Variants in DDX42 observed in about 807,000 individuals in gnomAD.
The protein encoded by DDX42 is ATP-dependent RNA helicase DDX42.
Under a neutral mutation model 101.5 loss-of-function variants are expected in DDX42, and 22 were observed. The ratio of observed to expected loss-of-function variants is 0.22; its 90% CI spans 0.15 to 0.31. The LOEUF (loss-of-function observed/expected upper bound fraction) is 0.31. DDX42 is among the 10% of genes least tolerant of loss of function. The probability of loss-of-function intolerance (pLI) is 1.00; values close to 1 mark genes in which losing one functional copy is unlikely to be tolerated. For synonymous variants in DDX42, 402 were observed against 401.2 expected, an observed-to-expected ratio of 1.00 and a Z score of -0.02; for missense variants, 849 against 1,199.9, an observed-to-expected ratio of 0.71 and a Z score of 4.32.
chr17:63,793,801 A>G (rs1340949798), intron 3 of DDX42, among the ~76,000 whole-genome samples: 1 of 151,460 alleles, frequency 6.6e-6, no homozygotes, highest in South Asian at 2.1e-4. Flanking sequence ...ATCATTAAGA[A>G]TGTTCATTAT....
intron 17 of DDX42, 108 bp downstream of exon 17, chr17:63,817,074 A>C (rs2039985726): frequency 3.6e-6 from 3 of 822,980 alleles, no homozygotes; most frequent in Non-Finnish European, 3.9e-6. Flanking sequence ...TTGATGCTAG[A>C]TTTAGGGTCT....
At chr17:63,794,010 A>G (rs1368150169) in intron 3 of DDX42, among the ~76,000 whole-genome samples, 1 of 152,066 alleles carries the variant, frequency 6.6e-6, no homozygotes, top group Non-Finnish European at 1.5e-5. Context: ...CTGAAGGTCT[A>G]GCTGTTTCCC....
intron 11 of DDX42, 170 bp from the exon 12 acceptor site, chr17:63,810,343 G>C: frequency 3.9e-6 from 2 of 518,462 alleles, no homozygotes; most frequent in Non-Finnish European, 6.6e-6. Flanking sequence ...CGCCTGCTTC[G>C]GCCTCCGAAA....
In DDX42 at chr17:63,819,093, GAAACCCAACA is replaced by G. The variant is rs779211298; in HGVS notation, c.*697_*706del. The G allele has an allele frequency of 6.6e-6, 1 of 152,424 alleles. No individual in the cohort carries two copies. The highest frequency in any genetic ancestry group is 1.5e-5 in the Non-Finnish European group (1 of 68,044). 9.4% of individuals were successfully genotyped at this position (152,424 alleles called of 1,614,324 possible). On this transcript the variant is annotated 3_prime_UTR_variant, in exon 18 of 18. Coordinates refer to ENST00000389924, the MANE Select transcript of DDX42 (RefSeq NM_203499.3). ...TATTGCTAAATTTAAAATTAAACAA[GAAACCCAACA>G]ACAGCTTTTAAAGTGTCTTCTATCT...
At chr17:63,801,736 T>G (rs2039772830) in intron 6 of DDX42, among the ~76,000 whole-genome samples, 1 of 152,172 alleles carries the variant, frequency 6.6e-6, no homozygotes, top group African/African-American at 2.4e-5. Flanking sequence ...ATTACAGATG[T>G]GAGCCACTGC....
chr17:63,813,112 C>T (rs1229655010), intron 14 of DDX42, 116 bp from the exon 15 acceptor site: 4 of 918,302 alleles, frequency 4.4e-6, no homozygotes, highest in East Asian at 5.3e-5. Flanking sequence ...GCTCACCAAA[C>T]CCATGCGCTT....
chr17:63,790,271 T>A (rs1289447917), intron 2 of DDX42, among the ~76,000 whole-genome samples: 1 of 152,220 alleles, frequency 6.6e-6, no homozygotes, highest in Non-Finnish European at 1.5e-5. Flanking sequence ...GTGAGTATGC[T>A]ATTGCTACAT....
chr17:63,800,677 A>G, intron 6 of DDX42, 60 bp downstream of exon 6: 1 of 1,580,814 alleles, frequency 6.3e-7, no homozygotes, highest in Non-Finnish European at 8.6e-7. Flanking sequence ...CTTCAGCTTT[A>G]ACATTTAGAT....
intron 4 of DDX42, among the ~76,000 whole-genome samples, chr17:63,798,962 TAGAA>T (rs2039727486): frequency 1.3e-5 from 2 of 152,088 alleles, no homozygotes; most frequent in African/African-American, 4.8e-5. Flanking sequence ...AAAGTCTGAT[TAGAA>T]ACAGATGGTT....
Position 63,800,455 on chromosome 17 carries a change from T to A in DDX42, c.472-13T>A. ...GTACTTGGGTGTGATTATGTTCTTGTGCTTTCCTGCAGGAAGCTTATTTTC... is the reference window on the plus strand; with the variant it reads ...GTACTTGGGTGTGATTATGTTCTTGAGCTTTCCTGCAGGAAGCTTATTTTC... On this transcript the variant is annotated splice_polypyrimidine_tract_variant and intron_variant, in intron 5 of 17. Transcript: ENST00000389924. 1 of 1,612,418 alleles carries A rather than the reference T, an allele frequency of 6.2e-7. No homozygotes were observed. Among genetic ancestry groups the A allele is most frequent in the Admixed American group, 1.7e-5 (1 of 59,832 alleles).
chr17:63,775,634 C>T (rs986326675), intron 1 of DDX42, among the ~76,000 whole-genome samples: 2 of 152,020 alleles, frequency 1.3e-5, no homozygotes, highest in Admixed American at 6.6e-5. Flanking sequence ...AACATAAAAG[C>T]CTTGAGGAGG....
At chr17:63,778,592 A>G (rs556172583) in intron 1 of DDX42, among the ~76,000 whole-genome samples, 1 of 152,136 alleles carries the variant, frequency 6.6e-6, no homozygotes, top group East Asian at 1.9e-4. Context: ...GGCACTCAGT[A>G]TATTTTGACT....
chr17:63,813,830 G>T (rs528862303), intron 15 of DDX42, among the ~76,000 whole-genome samples: 2 of 151,738 alleles, frequency 1.3e-5, no homozygotes, highest in African/African-American at 4.8e-5. Context: ...TATGTGTATA[G>T]TATAGTGCCC....
At chr17:63,777,482 CTG>C (rs1223687531) in intron 1 of DDX42, among the ~76,000 whole-genome samples, 1 of 146,500 alleles carries the variant, frequency 6.8e-6, no homozygotes, top group African/African-American at 2.5e-5. Context: ...GAGTCTCACT[CTG>C]TCGCCCAGGC....
intron 6 of DDX42, among the ~76,000 whole-genome samples, chr17:63,802,859 G>A (rs141366762): frequency 2.0e-5 from 3 of 149,722 alleles, no homozygotes; most frequent in South Asian, 2.1e-4. Context: ...GCAGTGAGCC[G>A]AGATCATGCC....
chr17:63,818,413 A>C lies in DDX42; in HGVS notation c.*15A>C. 1 of 1,602,928 alleles carries C rather than the reference A, an allele frequency of 6.2e-7. No homozygotes were observed. The highest frequency in any genetic ancestry group is 8.5e-7 in the Non-Finnish European group (1 of 1,174,518). ...GGGACAGTTAGAGGGGATGTGCTAA[A>C]GCGTGAAATCAGTTGTCCTTAATTT... On this transcript the variant is annotated 3_prime_UTR_variant, in exon 18 of 18. Transcript: ENST00000389924.
Position 63,811,856 on chromosome 17 carries a change from AT to A in DDX42, c.1399-75del. On this transcript the variant is annotated intron_variant, in intron 13 of 17. Transcript: ENST00000389924. ...CAAGGTCTTCTCGATGCAGGTAGAA[AT>A]ATAATGCCTAGTCCTTGTTCAGGTG... is the stretch of plus-strand genomic sequence containing the variant. 5 of 1,592,984 alleles carry A rather than the reference AT, an allele frequency of 3.1e-6. No homozygotes were observed. In the South Asian group the frequency reaches 4.4e-5, roughly 14 times the overall value.
intron 1 of DDX42, among the ~76,000 whole-genome samples, chr17:63,785,082 A>G (rs1272985545): frequency 6.6e-6 from 1 of 152,226 alleles, no homozygotes; most frequent in African/African-American, 2.4e-5. Flanking sequence ...ACAAAACTAC[A>G]TATCTGGGAG....
chr17:63,803,713 C>T (rs1402770285), intron 6 of DDX42, among the ~76,000 whole-genome samples: 1 of 151,358 alleles, frequency 6.6e-6, no homozygotes, highest in East Asian at 2.0e-4. Flanking sequence ...GTGACGCAAC[C>T]TTGGCTCACT....
Sources: allele counts gnomAD v4.1 joint callset (sites outside exome capture counted in the v4.1 genomes callset), GRCh38; gene constraint gnomAD v4.1.1; transcripts MANE v1.5; gene names NCBI Gene and HGNC (gene_info 2026-07-23, HGNC 2026-07-21).